GALNT2: variants seen among roughly 807,000 people sequenced by gnomAD.
GALNT2 encodes UDP-GalNAc:polypeptide N-acetylgalactosaminyltransferase 2.
A neutral mutation model predicts 81.4 loss-of-function variants in GALNT2; 31 were observed. The observed-to-expected ratio is 0.38, with a 90% CI of 0.29 to 0.51. GALNT2 has a LOEUF of 0.51. GALNT2 is among the 20% of genes least tolerant of loss of function. The pLI is 0.87. For missense variants in GALNT2, 629 were observed against 765.7 expected (o/e 0.82, Z 2.11); for synonymous variants, 303 against 287.4 (o/e 1.05, Z -0.55).
intron 1 of GALNT2, among the ~76,000 whole-genome samples, chr1:230,121,117 C>T (rs1661003098): frequency 6.6e-6 from 1 of 152,236 alleles, no homozygotes. Flanking sequence ...GCAATGATCT[C>T]CAGCCAGTGT....
At chr1:230,099,010 G>A (rs1016336303) in intron 1 of GALNT2, among the ~76,000 whole-genome samples, 3 of 152,154 alleles carry the variant, frequency 2.0e-5, no homozygotes, top group Non-Finnish European at 2.9e-5. Flanking sequence ...GTTCCCGATC[G>A]CGCGGAATCA....
chr1:230,259,600 A>C (rs778860375), intron 11 of GALNT2: 2 of 152,206 alleles, frequency 1.3e-5, no homozygotes, highest in Non-Finnish European at 2.9e-5. Context: ...TTTCAAGGAT[A>C]ATCTGGAGGG....
In GALNT2 at chr1:230,243,259, C is replaced by T. The variant is rs1665256169; in HGVS notation, c.608-47C>T. The stretch of plus-strand genomic sequence containing the variant: ...GCCGGTTGGCATGGGGTTGTGCTGG[C>T]CCTGTGGCTTCTCTCTCCTGACGTG... On this transcript the variant is annotated intron_variant, in intron 6 of 15. Coordinates refer to ENST00000366672, the MANE Select transcript of GALNT2 (RefSeq NM_004481.5). This position sits in a 1 kb window ranked among gnomAD's most constrained non-coding sequence, Gnocchi z 4.2. 1.9e-6 allele frequency: 3 copies of T among 1,556,400 alleles called. No homozygotes were observed. Among genetic ancestry groups the T allele is most frequent in the Non-Finnish European group, 8.7e-7 (1 of 1,152,836 alleles).
chr1:230,182,074 G>A (rs650808), intron 2 of GALNT2, among the ~76,000 whole-genome samples: 35,070 of 152,004 alleles, frequency 0.23, 4,905 homozygotes, highest in African/African-American at 0.39. Context: ...CATGGGATCT[G>A]TAGTTATATC....
intron 1 of GALNT2, among the ~76,000 whole-genome samples, chr1:230,145,534 T>C (rs886656848): frequency 6.6e-6 from 1 of 152,278 alleles, no homozygotes; most frequent in Admixed American, 6.5e-5. Context: ...TTTTAGAGAA[T>C]GCAGCCAACT....
intron 1 of GALNT2, among the ~76,000 whole-genome samples, chr1:230,119,904 A>G (rs1660961494): frequency 6.6e-6 from 1 of 152,074 alleles, no homozygotes; most frequent in Non-Finnish European, 1.5e-5. Flanking sequence ...CGTGATTGTC[A>G]TGGCCTTTGA....
chr1:230,128,704 T>C (rs1239288628), intron 1 of GALNT2, among the ~76,000 whole-genome samples: 9 of 152,186 alleles, frequency 5.9e-5, no homozygotes, highest in Non-Finnish European at 1.2e-4. Context: ...AGCCTGAGTG[T>C]TGGCTGGGAG....
chr1:230,123,242 C>T (rs534144718), intron 1 of GALNT2, among the ~76,000 whole-genome samples: 1 of 152,340 alleles, frequency 6.6e-6, no homozygotes, highest in East Asian at 1.9e-4. Flanking sequence ...AGCTTGATCA[C>T]CTGCCTTATT....
chr1:230,080,474 G>A (rs1659693832), intron 1 of GALNT2, among the ~76,000 whole-genome samples: 1 of 152,320 alleles, frequency 6.6e-6, no homozygotes, highest in South Asian at 2.1e-4. Context: ...GTGCCAGCGG[G>A]AAGGTCTAGC....
At chr1:230,194,337 C>T (rs974859059) in intron 2 of GALNT2, among the ~76,000 whole-genome samples, 1 of 152,188 alleles carries the variant, frequency 6.6e-6, no homozygotes, top group Non-Finnish European at 1.5e-5. Context: ...AATGGACCGG[C>T]AGACAGAAGT....
intron 1 of GALNT2, among the ~76,000 whole-genome samples, chr1:230,061,974 C>CT (rs2102733490): frequency 1.3e-5 from 2 of 152,286 alleles, no homozygotes; most frequent in South Asian, 4.1e-4. Context: ...TTGCAACTTC[C>CT]TTTTTTCATT....
intron 2 of GALNT2, among the ~76,000 whole-genome samples, chr1:230,195,162 C>T (rs1293639514): frequency 6.6e-6 from 1 of 152,250 alleles, no homozygotes; most frequent in Non-Finnish European, 1.5e-5. Flanking sequence ...AGGGAGGGCA[C>T]AGCCAGAACC....
Position 230,280,725 on chromosome 1 carries a change from C to T in GALNT2, c.*1267C>T, listed in dbSNP as rs780698448. On this transcript the variant is annotated 3_prime_UTR_variant, in exon 16 of 16. Coordinates refer to ENST00000366672, the MANE Select transcript of GALNT2 (RefSeq NM_004481.5). ...CCGCCCGCAGCTCCCTCCCACACCC[C>T]GCCTGGCCAAGATGACTGCTTCAGG... The T allele has an allele frequency of 1.8e-4, 27 of 153,010 alleles. No homozygotes were observed. Among genetic ancestry groups the T allele is most frequent in the African/African-American group, 1.2e-4 (5 of 41,554 alleles). 9.5% of individuals were successfully genotyped at this position (153,010 alleles called of 1,614,324 possible). A position where few individuals can be genotyped will look rare whatever the true frequency, so the allele number is the denominator to read the frequency against.
intron 10 of GALNT2, among the ~76,000 whole-genome samples, chr1:230,253,640 A>G (rs553702576): frequency 1.3e-5 from 2 of 152,348 alleles, no homozygotes; most frequent in South Asian, 4.1e-4. Context: ...GATCAAGGAA[A>G]TTAGCATATC....
intron 1 of GALNT2, among the ~76,000 whole-genome samples, chr1:230,113,174 G>T (rs1660752341): frequency 6.6e-6 from 1 of 152,264 alleles, no homozygotes; most frequent in South Asian, 2.1e-4. Context: ...GGGCACATCG[G>T]ATCTGTGCTC....
At chr1:230,112,664 G>A (rs1660738826) in intron 1 of GALNT2, among the ~76,000 whole-genome samples, 1 of 152,124 alleles carries the variant, frequency 6.6e-6, no homozygotes, top group Non-Finnish European at 1.5e-5. Flanking sequence ...GTGGGGATGA[G>A]GATGGCGAAG....
intron 1 of GALNT2, among the ~76,000 whole-genome samples, chr1:230,068,033 G>A (rs1310800366): frequency 6.6e-6 from 1 of 152,176 alleles, no homozygotes; most frequent in Non-Finnish European, 1.5e-5. Context: ...GGCCAGTCCC[G>A]GCCGTTCCCT....
intron 14 of GALNT2, among the ~76,000 whole-genome samples, chr1:230,267,147 C>T (rs1309010178): frequency 6.6e-6 from 1 of 152,246 alleles, no homozygotes; most frequent in Non-Finnish European, 1.5e-5. Flanking sequence ...TTTTCTGTTA[C>T]TCAGATGCAG....
Position 230,234,545 on chromosome 1 carries a change from G to A in GALNT2, c.375-1469G>A, listed in dbSNP as rs188259145. On this transcript the variant is annotated intron_variant, in intron 3 of 15. Transcript: ENST00000366672. ...GACAGACAAACAGGCCCCTCTTGCC[G>A]CCTCACAGGCAAGACTGTTCATCCT... 6.7e-4 allele frequency among the ~76,000 whole-genome samples: 102 copies of A among 152,248 alleles called. 1 individual carries two copies. The highest frequency in any genetic ancestry group is 1.3e-3 in the African/African-American group (52 of 41,546).
Sources: allele counts gnomAD v4.1 joint callset (sites outside exome capture counted in the v4.1 genomes callset), GRCh38; gene constraint gnomAD v4.1.1; non-coding constraint Gnocchi (gnomAD v3.1); transcripts MANE v1.5; gene names NCBI Gene and HGNC (gene_info 2026-07-23, HGNC 2026-07-21).